The following CSMD1 variants were observed in gnomAD, a reference collection of about 807,000 sequenced individuals.
The protein encoded by CSMD1 is CUB and sushi domain-containing protein 1.
CSMD1 carries 213 observed loss-of-function variants against 417.5 expected under a neutral mutation model. The observed-to-expected ratio is 0.51, with a 90% CI of 0.46 to 0.57. The LOEUF is 0.57. Among genes scored for constraint, CSMD1 ranks in the 20% least tolerant of loss-of-function variants. CSMD1 has a pLI of 0.00. For synonymous variants in CSMD1, 2,862 were observed against 1,736.8 expected, an observed-to-expected ratio of 1.65 and a Z score of -16.11; for missense variants, 6,923 against 4,529.7, an observed-to-expected ratio of 1.53 and a Z score of -15.17.
intron 2 of CSMD1, among the ~76,000 whole-genome samples, chr8:4,634,196 T>A (rs1225859999): frequency 1.3e-5 from 2 of 152,166 alleles, no homozygotes; most frequent in East Asian, 3.8e-4. Context: ...GTGTTTGTAC[T>A]AAAGAAATAA....
chr8:4,615,825 C>G lies in CSMD1; in HGVS notation c.302+21517G>C, dbSNP rs74423125. Among the ~76,000 whole-genome samples, 807 of 152,226 alleles carry G rather than the reference C, an allele frequency of 5.3e-3. 7 individuals are homozygous for G. Among genetic ancestry groups the G allele is most frequent in the African/African-American group, 0.019 (773 of 41,554 alleles). ...TTCCATCTTATTCCTGATAATCTATCAAAACCTTCCTTTTTCTGATATATT... is the reference window on the plus strand; with the variant it reads ...TTCCATCTTATTCCTGATAATCTATGAAAACCTTCCTTTTTCTGATATATT... On this transcript the variant is annotated intron_variant, in intron 2 of 69. Transcript: ENST00000635120.
chr8:2,965,665 A>G, intron 59 of CSMD1, 110 bp downstream of exon 59: 1 of 852,942 alleles, frequency 1.2e-6, no homozygotes. Flanking sequence ...GCTGTTCAAG[A>G]ATTCCTAGCC....
chr8:3,123,068 T>A (rs1466379562), intron 41 of CSMD1, among the ~76,000 whole-genome samples: 6 of 152,196 alleles, frequency 3.9e-5, no homozygotes, highest in African/African-American at 4.8e-5. Flanking sequence ...CCCTCATGAT[T>A]GATTGTTTTT....
chr8:3,406,139 C>T lies in CSMD1; in HGVS notation c.2154G>A (p.Ser718=), dbSNP rs370849383. The T allele has an allele frequency of 9.2e-5, 149 of 1,613,674 alleles. No individual in the cohort carries two copies. Among genetic ancestry groups the T allele is most frequent in the South Asian group, 2.3e-4 (21 of 91,042 alleles). ...RFGDRFLLGS[S]VSFHCDDGFV... ...AGCCATCATCACAGTGGAAAGAAAC[C>T]GAGCTCCCGAGTAGAAACCTGTCAC... Residue 718 remains serine, a synonymous_variant, in exon 15 of 70, where the codon TCG becomes TCA. Coordinates refer to ENST00000635120, the MANE Select transcript of CSMD1 (RefSeq NM_033225.6).
At chr8:4,167,820 T>G (rs899214858) in intron 3 of CSMD1, among the ~76,000 whole-genome samples, 1 of 152,094 alleles carries the variant, frequency 6.6e-6, no homozygotes, top group Non-Finnish European at 1.5e-5. Flanking sequence ...TCAGACTCCA[T>G]CTCTACCAAG....
intron 2 of CSMD1, among the ~76,000 whole-genome samples, chr8:4,527,308 T>C (rs1392501414): frequency 2.0e-5 from 3 of 152,200 alleles, no homozygotes; most frequent in African/African-American, 2.4e-5. Context: ...AGCTGGTATA[T>C]TGTTATATAA....
chr8:4,313,949 G>A (rs954943984), intron 3 of CSMD1, among the ~76,000 whole-genome samples: 1 of 151,896 alleles, frequency 6.6e-6, no homozygotes, highest in African/African-American at 2.4e-5. Context: ...GGGAGGCAGA[G>A]GTTGCAGCGA....
intron 3 of CSMD1, among the ~76,000 whole-genome samples, chr8:4,299,342 G>C (rs1305726179): frequency 6.6e-6 from 1 of 152,070 alleles, no homozygotes; most frequent in Non-Finnish European, 1.5e-5. Flanking sequence ...TCCAAGAGGG[G>C]GTTTTTACTT....
At chr8:3,329,993 G>A (rs975578136) in intron 23 of CSMD1, among the ~76,000 whole-genome samples, 5 of 152,160 alleles carry the variant, frequency 3.3e-5, no homozygotes, top group African/African-American at 7.2e-5. Flanking sequence ...ACAGTCATGA[G>A]AAGAAATGTT....
At chr8:4,781,810 C>T (rs550219704) in intron 1 of CSMD1, among the ~76,000 whole-genome samples, 1 of 152,232 alleles carries the variant, frequency 6.6e-6, no homozygotes, top group South Asian at 2.1e-4. Flanking sequence ...CTCACCTAGG[C>T]CAGTAAAACA....
intron 1 of CSMD1, among the ~76,000 whole-genome samples, chr8:4,849,809 C>T (rs571788854): frequency 6.6e-6 from 1 of 152,188 alleles, no homozygotes; most frequent in Non-Finnish European, 1.5e-5. Flanking sequence ...GATGAAATTG[C>T]CTAACAAAGC....
intron 1 of CSMD1, among the ~76,000 whole-genome samples, chr8:4,817,275 C>A (rs62484629): frequency 0.02 from 3,036 of 152,204 alleles, 44 homozygotes; most frequent in South Asian, 0.033. Context: ...AATATGTGTG[C>A]CAGGCCTGCC....
Position 2,974,550 on chromosome 8 carries a change from C to T in CSMD1, c.8641G>A (p.Val2881Met), listed in dbSNP as rs755414564. The T allele has an allele frequency of 1.7e-5, 27 of 1,613,234 alleles. No individual in the cohort carries two copies. Among genetic ancestry groups the T allele is most frequent in the Non-Finnish European group, 2.2e-5 (26 of 1,179,590 alleles). ...TGELFTYGAV[V>M]HYSCRGSESL... ...TCGCTCCCTCTGCAGGAGTAGTGCA[C>T]GACGGCGCCATAGGTAAACAGCTCT... Residue 2881 changes from valine to methionine, a missense_variant, in exon 56 of 70, where the codon GTG (valine) becomes ATG (methionine). Transcript: ENST00000635120.
At chr8:4,398,539 GC>G (rs1157312628) in intron 3 of CSMD1, among the ~76,000 whole-genome samples, 1 of 151,496 alleles carries the variant, frequency 6.6e-6, no homozygotes, top group Non-Finnish European at 1.5e-5. Context: ...GACTACAGGC[GC>G]CCGCCACCAT....
intron 3 of CSMD1, among the ~76,000 whole-genome samples, chr8:4,253,003 G>T (rs532727477): frequency 6.6e-6 from 1 of 152,088 alleles, no homozygotes; most frequent in Non-Finnish European, 1.5e-5. Flanking sequence ...AGCCAATGTC[G>T]GATTATCGGT....
At chr8:4,045,675 G>A (rs557134828) in intron 3 of CSMD1, among the ~76,000 whole-genome samples, 1 of 152,206 alleles carries the variant, frequency 6.6e-6, no homozygotes, top group South Asian at 2.1e-4. Context: ...ATAATTTTAA[G>A]TAGAGAACCT....
intron 3 of CSMD1, among the ~76,000 whole-genome samples, chr8:4,267,651 A>C (rs983668313): frequency 6.6e-6 from 1 of 152,080 alleles, no homozygotes; most frequent in Non-Finnish European, 1.5e-5. Context: ...ATATCTTTGC[A>C]TACTTCGTGT....
intron 3 of CSMD1, among the ~76,000 whole-genome samples, chr8:4,410,792 T>G (rs952926011): frequency 6.6e-6 from 1 of 152,136 alleles, no homozygotes; most frequent in African/African-American, 2.4e-5. Context: ...GAGTTGAGAC[T>G]CCCCTCTGCA....
At chr8:3,839,261 A>G (rs544010090) in intron 5 of CSMD1, among the ~76,000 whole-genome samples, 2 of 124,814 alleles carry the variant, frequency 1.6e-5, no homozygotes, top group South Asian at 4.7e-4. Context: ...TATATTACTT[A>G]TATATACTAT....
Sources: gnomAD v4.1 joint callset for allele counts (sites outside exome capture counted in the v4.1 genomes callset) on GRCh38, gnomAD v4.1.1 for gene constraint, MANE v1.5 for transcripts, NCBI Gene and HGNC (gene_info 2026-07-23, HGNC 2026-07-21) for gene names.